ITFG2: variants seen among roughly 807,000 people sequenced by gnomAD.
ITFG2 encodes the protein KICSTOR complex protein ITFG2.
ITFG2 carries 36 observed loss-of-function variants against 54.4 expected under a neutral mutation model. That is an observed-to-expected ratio of 0.66 (90% CI 0.51 to 0.87). The LOEUF is 0.87. ITFG2 is among the 40% of genes least tolerant of loss of function. ITFG2 has a pLI of 0.00. For missense variants in ITFG2, 524 were observed against 576.7 expected, an observed-to-expected ratio of 0.91 and a Z score of 0.94; for synonymous variants, 211 against 225.4, an observed-to-expected ratio of 0.94 and a Z score of 0.57.
chr12:2,821,486 C>G, intron 7 of ITFG2, 57 bp from the exon 8 acceptor site: 16 of 1,590,260 alleles, frequency 1.0e-5, no homozygotes, highest in Non-Finnish European at 1.3e-5. Flanking sequence ...ACACCCCTCT[C>G]CCCGTAGGCT....
At chr12:2,857,426 C>T (rs28919874) in intron 2 of ITFG2, 5,839 of 251,038 alleles carry the variant, frequency 0.023, 331 homozygotes, top group African/African-American at 0.12. Context: ...CCTAAGTTAA[C>T]CAGCAGGTCC....
intron 2 of ITFG2, chr12:2,855,371 A>G: frequency 7.8e-7 from 1 of 1,276,066 alleles, no homozygotes; most frequent in East Asian, 5.9e-5. Flanking sequence ...GGGAACTCCC[A>G]GGACTCGCTG....
At chr12:2,818,667 G>A in intron 4 of ITFG2, 1 of 241,952 alleles carries the variant, frequency 4.1e-6, no homozygotes, top group Non-Finnish European at 8.2e-6. Flanking sequence ...ATTTAAAAAA[G>A]GAAAAGAAAA....
intron 2 of ITFG2, among the ~76,000 whole-genome samples, chr12:2,853,359 A>G (rs989864586): frequency 6.6e-6 from 1 of 151,324 alleles, no homozygotes; most frequent in Non-Finnish European, 1.5e-5. Flanking sequence ...TGCAACCTCC[A>G]CCTCCCGGGT....
intron 2 of ITFG2, among the ~76,000 whole-genome samples, chr12:2,854,416 A>G (rs1283917042): frequency 6.6e-6 from 1 of 152,164 alleles, no homozygotes; most frequent in African/African-American, 2.4e-5. Context: ...TCCCCCCTTC[A>G]TCGGTGAGGG....
At chr12:2,853,975 G>T (rs1018578946) in intron 2 of ITFG2, among the ~76,000 whole-genome samples, 2 of 152,144 alleles carry the variant, frequency 1.3e-5, no homozygotes, top group African/African-American at 4.8e-5. Flanking sequence ...ACTCCAGGTC[G>T]CTGCACCCCT....
Position 2,848,928 on chromosome 12 carries a change from TCTC to T in ITFG2, n.300+7937_300+7939del, listed in dbSNP as rs751669489. On this transcript the variant is annotated intron_variant and non_coding_transcript_variant, in intron 2 of 3. Transcript: ENST00000537710. ...ACACACACACTCCTTCCTTCCCACT[TCTC>T]CTCTCCTTAGGAACTGGAGCCCCTC... The T allele has an allele frequency of 1.4e-3, 498 of 358,162 alleles. 3 individuals carry two copies. The highest frequency in any genetic ancestry group is 2.3e-3 in the Non-Finnish European group (458 of 195,426). The allele number at this position is 358,162 out of a possible 1,614,324, so 22.2% of individuals were successfully genotyped here.
chr12:2,828,527 A>T (rs550525368), downstream of ITFG2: 14 of 846,612 alleles, frequency 1.7e-5, no homozygotes, highest in East Asian at 3.2e-4. Flanking sequence ...AGTGGAGAAA[A>T]TGAACTGTCT....
At chr12:2,835,837 A>G (rs556334673), upstream of ITFG2, among the ~76,000 whole-genome samples, 1 of 152,210 alleles carries the variant, frequency 6.6e-6, no homozygotes, top group African/African-American at 2.4e-5. Flanking sequence ...AAATACTTAC[A>G]TATGCATTCT....
chr12:2,812,788 G>A lies in ITFG2; in HGVS notation c.28G>A (p.Val10Met), dbSNP rs753129997. Reference protein sequence around the residue: MRSVSYVQRVALEFSGSLFP... With the variant: MRSVSYVQRMALEFSGSLFP... ...GAGGTCAGTTAGCTACGTGCAGCGCGTGGCGCTGGAGTTCAGCGGGAGCCT... is the reference window on the plus strand; with the variant it reads ...GAGGTCAGTTAGCTACGTGCAGCGCATGGCGCTGGAGTTCAGCGGGAGCCT... Residue 10 changes from valine to methionine, a missense_variant, in exon 1 of 12, where the codon GTG becomes ATG. Physicochemically the swap from Val to Met is conservative, Grantham distance 21 (BLOSUM62 1). Transcript: ENST00000228799. 1.9e-6 allele frequency: 3 copies of A among 1,612,104 alleles called. No homozygotes were observed. Among genetic ancestry groups the A allele is most frequent in the African/African-American group, 1.3e-5 (1 of 75,040 alleles).
At chr12:2,850,651 T>TG (rs1272942944) in intron 2 of ITFG2, among the ~76,000 whole-genome samples, 1 of 144,198 alleles carries the variant, frequency 6.9e-6, no homozygotes, top group African/African-American at 2.8e-5. Flanking sequence ...CCAGAGTCTT[T>TG]GTTTTTGTTT....
upstream of ITFG2, among the ~76,000 whole-genome samples, chr12:2,836,102 C>T (rs1565437573): frequency 7.9e-5 from 12 of 152,198 alleles, no homozygotes; most frequent in Admixed American, 7.2e-4. Context: ...TCCTGGGGCA[C>T]CTATGTAGGC....
downstream of ITFG2, chr12:2,827,551 G>T (rs142660375): frequency 3.4e-4 from 541 of 1,609,550 alleles, 1 homozygote; most frequent in African/African-American, 6.5e-3. The surrounding 1 kb of genome is among the most constrained non-coding windows in gnomAD (Gnocchi z 4.0). Context: ...TCAGAACCTG[G>T]TCCAGGTTCC....
downstream of ITFG2, among the ~76,000 whole-genome samples, chr12:2,829,897 G>C (rs1055342742): frequency 6.6e-6 from 1 of 152,044 alleles, no homozygotes; most frequent in African/African-American, 2.4e-5. Flanking sequence ...GACCAACCTG[G>C]AGAAACCCCA....
rs542497783 is a variant in ITFG2 at position 2,850,960 on chromosome 12, A to C, written n.301-7052A>C. On this transcript the variant is annotated intron_variant and non_coding_transcript_variant, in intron 2 of 3. Coordinates refer to the ITFG2 transcript ENST00000537710. ...GTGCTGAGATTACAAGCATGAGCCA[A>C]CACACCAGGCCCAGAGTCTTTTTTT... Among the ~76,000 whole-genome samples the C allele has an allele frequency of 9.2e-4, 137 of 149,194 alleles. 1 individual carries two copies. The highest frequency in any genetic ancestry group is 1.4e-3 in the Non-Finnish European group (97 of 67,634).
chr12:2,833,923 C>G (rs2153926460), upstream of ITFG2, among the ~76,000 whole-genome samples: 1 of 152,332 alleles, frequency 6.6e-6, no homozygotes, highest in South Asian at 2.1e-4. Context: ...GATCTGATCC[C>G]AAGCGAAGTG....
At chr12:2,853,151 C>G (rs1207999425) in intron 2 of ITFG2, among the ~76,000 whole-genome samples, 1 of 152,168 alleles carries the variant, frequency 6.6e-6, no homozygotes, top group Non-Finnish European at 1.5e-5. Context: ...CTAAGTCTTT[C>G]TCCCCTTTGC....
rs146401919 is a variant in ITFG2 at position 2,852,248 on chromosome 12, A to T, written n.301-5764A>T. On this transcript the variant is annotated intron_variant and non_coding_transcript_variant, in intron 2 of 3. Transcript: ENST00000537710. ...ACAGCAGTAAACATGTGAGACAAGG[A>T]TCCTACTGTCATGGAGATACCATAC... Among the ~76,000 whole-genome samples, 641 of 152,300 alleles carry T rather than the reference A, an allele frequency of 4.2e-3. 5 individuals are homozygous for T. The highest frequency in any genetic ancestry group is 0.015 in the African/African-American group (616 of 41,558).
At chr12:2,857,933 G>T (rs2098093828) in intron 2 of ITFG2, 1 of 152,490 alleles carries the variant, frequency 6.6e-6, no homozygotes, top group Non-Finnish European at 1.5e-5. Context: ...CTCTGCTTCA[G>T]TTGCATCCAT....
Sources: gnomAD v4.1 joint callset for allele counts (sites outside exome capture counted in the v4.1 genomes callset) on GRCh38, gnomAD v4.1.1 for gene constraint, Gnocchi (gnomAD v3.1) non-coding constraint, MANE v1.5 for transcripts, NCBI Gene and HGNC (gene_info 2026-07-23, HGNC 2026-07-21) for gene names.